ZCWPW2: variants seen among roughly 807,000 people sequenced by gnomAD.
The protein encoded by ZCWPW2 is zinc finger CW-type PWWP domain protein 2.
A neutral mutation model predicts 46.6 loss-of-function variants in ZCWPW2; 45 were observed. The observed-to-expected ratio is 0.96, with a 90% CI of 0.76 to 1.24. The LOEUF (loss-of-function observed/expected upper bound fraction) is 1.24. Among genes scored for constraint, ZCWPW2 ranks in the 50% most tolerant of loss-of-function variants. ZCWPW2 has a pLI of 0.00. For synonymous variants in ZCWPW2, 152 were observed against 137.1 expected (o/e 1.11, Z -0.76); for missense variants, 429 against 403.9 (o/e 1.06, Z -0.53).
chr3:28,503,983 C>A (rs1020411691), intron 6 of ZCWPW2, among the ~76,000 whole-genome samples: 1 of 151,900 alleles, frequency 6.6e-6, no homozygotes, highest in Non-Finnish European at 1.5e-5. Flanking sequence ...ATCGCTTGAG[C>A]CCCGGAGTTC....
intron 8 of ZCWPW2, among the ~76,000 whole-genome samples, chr3:28,519,807 G>A (rs561800015): frequency 7.2e-5 from 11 of 152,290 alleles, no homozygotes; most frequent in African/African-American, 2.6e-4. Context: ...CAGGCCACAT[G>A]TGGCCTCCTT....
At position 28,435,116 on chromosome 3, in the gene ZCWPW2, A is replaced by G. The variant is rs1697427979; in HGVS notation, c.339A>G (p.Pro113=). 1.2e-6 allele frequency: 2 copies of G among 1,606,622 alleles called. No individual in the cohort carries two copies. The highest frequency in any genetic ancestry group is 1.7e-6 in the Non-Finnish European group (2 of 1,178,470). Residue 113 remains proline, a synonymous_variant, in exon 4 of 10, where the codon CCA becomes CCG. Transcript: ENST00000383768. The part of the protein sequence containing the change: ...LVKLQNWPSW[P]GILCPDRFKG... ...AAATATTTTCTTTTGAAAGTTGGCC[A>G]GGAATACTTTGCCCTGACCGTTTTA...
chr3:28,393,978 G>A (rs945936407), intron 2 of ZCWPW2, among the ~76,000 whole-genome samples: 7 of 152,084 alleles, frequency 4.6e-5, no homozygotes, highest in Admixed American at 3.3e-4. Context: ...ATAAAAAAAG[G>A]AAGATGTAAA....
chr3:28,455,872 T>G (rs1032975221), intron 4 of ZCWPW2, among the ~76,000 whole-genome samples: 2 of 152,190 alleles, frequency 1.3e-5, no homozygotes, highest in African/African-American at 4.8e-5. Flanking sequence ...TACCGTGCTG[T>G]TTTGGTTACT....
rs188580894 is a variant in ZCWPW2 at position 28,362,815 on chromosome 3, T to A, written c.-134+13612T>A. Among the ~76,000 whole-genome samples the A allele has an allele frequency of 3.5e-3, 540 of 152,228 alleles. 2 individuals carry two copies. The highest frequency in any genetic ancestry group is 0.012 in the African/African-American group (492 of 41,528). ...AGCAAAGACAATGAATCAACCTAAATGCCCATAAGTAGTAGTATGGATAAA... is the reference window on the plus strand; with the variant it reads ...AGCAAAGACAATGAATCAACCTAAAAGCCCATAAGTAGTAGTATGGATAAA... On this transcript the variant is annotated intron_variant, in intron 1 of 9. Transcript: ENST00000383768.
intron 2 of ZCWPW2, among the ~76,000 whole-genome samples, chr3:28,396,780 T>C (rs993981964): frequency 2.6e-5 from 4 of 152,232 alleles, no homozygotes; most frequent in Non-Finnish European, 4.4e-5. Flanking sequence ...CTATCATAAG[T>C]AGCCGTTTAT....
intron 1 of ZCWPW2, among the ~76,000 whole-genome samples, chr3:28,376,496 C>T (rs187225664): frequency 1.6e-4 from 25 of 152,112 alleles, no homozygotes; most frequent in Admixed American, 1.6e-3. Context: ...TACTAGAGTT[C>T]GCGGTTTGTC....
chr3:28,467,344 T>C (rs1318782232), intron 4 of ZCWPW2, among the ~76,000 whole-genome samples: 17 of 152,014 alleles, frequency 1.1e-4, no homozygotes, highest in Non-Finnish European at 1.5e-5. Context: ...TTAAAAAATA[T>C]ATAAAAATAT....
chr3:28,437,680 A>C (rs116001137), intron 4 of ZCWPW2, among the ~76,000 whole-genome samples: 4 of 152,204 alleles, frequency 2.6e-5, no homozygotes, highest in African/African-American at 9.7e-5. Context: ...ACTGAGATAC[A>C]CTCCAGAAAA....
chr3:28,472,196 A>G lies in ZCWPW2; in HGVS notation c.493-6618A>G, dbSNP rs867236753. Among the ~76,000 whole-genome samples, 7 of 152,170 alleles carry G rather than the reference A, an allele frequency of 4.6e-5. No homozygotes were observed. In the South Asian group the frequency reaches 1.0e-3, roughly 22 times the overall value. On this transcript the variant is annotated intron_variant, in intron 4 of 9. Transcript: ENST00000383768. ...TGCAATCCCTATGAAAATACCAATG[A>G]CATCCTTCACAGAAATAGAAAAAAA... is the stretch of plus-strand genomic sequence containing the variant.
At chr3:28,478,666 A>T (rs1354600766) in intron 4 of ZCWPW2, 148 bp from the exon 5 acceptor site, 1 of 393,720 alleles carries the variant, frequency 2.5e-6, no homozygotes, top group Non-Finnish European at 4.4e-6. Context: ...ATTCTAAAAT[A>T]ATATTAAAAT....
In ZCWPW2 at chr3:28,354,147, G is replaced by C. The variant is rs79047880; in HGVS notation, c.-134+4944G>C. ...AGAGCTGTGTGAAATTTAACAACAT[G>C]ATAAGAAATTCCCTTTCATGGGGAT... On this transcript the variant is annotated intron_variant, in intron 1 of 9. Transcript: ENST00000383768. Among the ~76,000 whole-genome samples the C allele has an allele frequency of 5.9e-4, 90 of 151,976 alleles. No individual in the cohort carries two copies. The East Asian group carries it at 0.012, about 20-fold the overall frequency.
chr3:28,369,021 A>G (rs1705219610), intron 1 of ZCWPW2, among the ~76,000 whole-genome samples: 2 of 152,052 alleles, frequency 1.3e-5, no homozygotes, highest in Admixed American at 6.6e-5. Context: ...AGGTCCTTTA[A>G]GGACTTCTCT....
intron 4 of ZCWPW2, among the ~76,000 whole-genome samples, chr3:28,444,820 T>C (rs1697922279): frequency 6.6e-6 from 1 of 152,174 alleles, no homozygotes; most frequent in African/African-American, 2.4e-5. Flanking sequence ...CCAGCTTCAT[T>C]ATAGTCCTTG....
intron 3 of ZCWPW2, 71 bp from the exon 4 acceptor site, chr3:28,435,039 C>T (rs569506422): frequency 2.4e-5 from 37 of 1,518,656 alleles, no homozygotes; most frequent in South Asian, 9.8e-5. Context: ...AGTTAATATG[C>T]GATTGATAGA....
Position 28,446,955 on chromosome 3 carries a change from A to C in ZCWPW2, c.492+11686A>C, listed in dbSNP as rs78724884. On this transcript the variant is annotated intron_variant, in intron 4 of 9. Coordinates refer to ENST00000383768, the MANE Select transcript of ZCWPW2 (RefSeq NM_001040432.4). Reference sequence around the variant, plus strand: ...TTCCTGGAAACACAGAATCTAGCAAAACTAAAGCATGAAGAAATAGAAAAC... The same window carrying C: ...TTCCTGGAAACACAGAATCTAGCAACACTAAAGCATGAAGAAATAGAAAAC... 7.7e-3 allele frequency among the ~76,000 whole-genome samples: 1,168 copies of C among 152,250 alleles called. 16 individuals are homozygous for C. Among genetic ancestry groups the C allele is most frequent in the African/African-American group, 0.027 (1,103 of 41,552 alleles).
Position 28,417,172 on chromosome 3 carries a change from A to C in ZCWPW2, c.332+3772A>C, listed in dbSNP as rs139828696. ...TAGCAAGACAAATAAAGAAGAAAAGACAAAGGGGATATCACCACTGATCCC... is the reference window on the plus strand; with the variant it reads ...TAGCAAGACAAATAAAGAAGAAAAGCCAAAGGGGATATCACCACTGATCCC... On this transcript the variant is annotated intron_variant, in intron 3 of 9. Transcript: ENST00000383768. 2.9e-3 allele frequency among the ~76,000 whole-genome samples: 434 copies of C among 152,078 alleles called. 5 individuals are homozygous for C. The highest frequency in any genetic ancestry group is 9.7e-3 in the African/African-American group (404 of 41,486).
intron 5 of ZCWPW2, among the ~76,000 whole-genome samples, chr3:28,483,612 A>G (rs904958611): frequency 1.3e-5 from 2 of 152,176 alleles, no homozygotes; most frequent in African/African-American, 2.4e-5. Flanking sequence ...CTTCTTATCC[A>G]TGAATGTGGA....
chr3:28,371,523 G>A (rs1226286951), intron 1 of ZCWPW2, among the ~76,000 whole-genome samples: 6 of 152,134 alleles, frequency 3.9e-5, no homozygotes, highest in African/African-American at 1.4e-4. Flanking sequence ...GCTTGGTATA[G>A]TGGCTCATGC....
Sources: gnomAD v4.1 joint callset for allele counts (sites outside exome capture counted in the v4.1 genomes callset) on GRCh38, gnomAD v4.1.1 for gene constraint, MANE v1.5 for transcripts, NCBI Gene and HGNC (gene_info 2026-07-23, HGNC 2026-07-21) for gene names.